The following RBFOX1 variants were observed in gnomAD, a reference collection of about 807,000 sequenced individuals.
RBFOX1 encodes the protein RNA binding fox-1 homolog 1.
A neutral mutation model predicts 57.7 loss-of-function variants in RBFOX1; 8 were observed. That is an observed-to-expected ratio of 0.14 (90% CI 0.08 to 0.25). RBFOX1 has a LOEUF of 0.25. Ranked by LOEUF, RBFOX1 falls within the 10% of genes least tolerant of loss-of-function variation. RBFOX1 has a pLI of 1.00. For synonymous variants in RBFOX1, 326 were observed against 222.4 expected (o/e 1.47, Z -4.15); for missense variants, 611 against 548.5 (o/e 1.11, Z -1.14).
At chr16:7,301,371 C>G (rs2096027668) in intron 4 of RBFOX1, among the ~76,000 whole-genome samples, 1 of 152,148 alleles carries the variant, frequency 6.6e-6, no homozygotes, top group Non-Finnish European at 1.5e-5. Context: ...AGCCCGACTC[C>G]AAATAATTTT....
intron 4 of RBFOX1, among the ~76,000 whole-genome samples, chr16:7,417,249 T>A (rs147160732): frequency 6.6e-6 from 1 of 151,876 alleles, no homozygotes; most frequent in Non-Finnish European, 1.5e-5. Flanking sequence ...GGTGTGTGCC[T>A]GTAACCACAG....
Position 7,073,832 on chromosome 16 carries a change from G to A in RBFOX1, c.27+21734G>A, listed in dbSNP as rs1269611903. 5.9e-5 allele frequency among the ~76,000 whole-genome samples: 9 copies of A among 152,040 alleles called. No homozygotes were observed. In the East Asian group the frequency reaches 1.7e-3, roughly 29 times the overall value. ...TGATTTCATGACTGCACTCCAGCCTGGGTGACAGAGCAAGGCATTGTCTCA... is the reference window on the plus strand; with the variant it reads ...TGATTTCATGACTGCACTCCAGCCTAGGTGACAGAGCAAGGCATTGTCTCA... On this transcript the variant is annotated intron_variant, in intron 4 of 15. Transcript: ENST00000550418.
intron 2 of RBFOX1, among the ~76,000 whole-genome samples, chr16:6,530,668 G>A (rs1479832360): frequency 6.6e-6 from 1 of 152,104 alleles, no homozygotes. Flanking sequence ...CATGGTGGAA[G>A]GAGGAGCAAG....
chr16:5,335,535 G>GC lies in RBFOX1; in HGVS notation c.219+95430_219+95431insC, dbSNP rs572840038. On this transcript the variant is annotated intron_variant, in intron 1 of 2. Coordinates refer to the RBFOX1 transcript ENST00000585867. ...TTAATGTCGGTTTTTTGTGTTCAGAGTTTTTCCCGTCACTGGGGGATTAGG... is the reference window on the plus strand; with the variant it reads ...TTAATGTCGGTTTTTTGTGTTCAGAGCTTTTTCCCGTCACTGGGGGATTAGG... 1.6e-3 allele frequency among the ~76,000 whole-genome samples: 251 copies of GC among 152,294 alleles called. 3 individuals carry two copies. The highest frequency in any genetic ancestry group is 3.1e-3 in the Non-Finnish European group (214 of 68,028).
intron 1 of RBFOX1, among the ~76,000 whole-genome samples, chr16:6,237,735 C>G (rs1325763471): frequency 6.6e-6 from 1 of 151,214 alleles, no homozygotes; most frequent in African/African-American, 2.4e-5. Context: ...AGTGAGACTC[C>G]ATCTCAAAAA....
chr16:6,538,413 G>GC (rs1433226623), intron 2 of RBFOX1, among the ~76,000 whole-genome samples: 3 of 152,174 alleles, frequency 2.0e-5, no homozygotes, highest in African/African-American at 7.2e-5. Flanking sequence ...GATCACTTGA[G>GC]CCTGTGAGGC....
intron 3 of RBFOX1, among the ~76,000 whole-genome samples, chr16:6,738,632 C>G (rs1020359189): frequency 4.6e-5 from 7 of 152,154 alleles, no homozygotes; most frequent in Admixed American, 6.6e-5. Flanking sequence ...CATCAACCAA[C>G]AAGATGTCAT....
chr16:5,859,554 G>A (rs1486227255), intron 3 of RBFOX1, among the ~76,000 whole-genome samples: 1 of 152,154 alleles, frequency 6.6e-6, no homozygotes, highest in Admixed American at 6.5e-5. Flanking sequence ...TGAAGGTTCT[G>A]AAAATCACTT....
intron 3 of RBFOX1, among the ~76,000 whole-genome samples, chr16:5,737,885 C>G (rs948372703): frequency 6.6e-6 from 1 of 151,898 alleles, no homozygotes; most frequent in Non-Finnish European, 1.5e-5. Flanking sequence ...ACTTTAAGTT[C>G]TGAGACACAT....
At chr16:6,046,219 A>AATG in intron 1 of RBFOX1, among the ~76,000 whole-genome samples, 1 of 152,300 alleles carries the variant, frequency 6.6e-6, no homozygotes, top group South Asian at 2.1e-4. Flanking sequence ...AACCCAACTG[A>AATG]ATGATGATGA....
At chr16:7,284,435 G>A (rs1038312768) in intron 4 of RBFOX1, among the ~76,000 whole-genome samples, 1 of 152,102 alleles carries the variant, frequency 6.6e-6, no homozygotes, top group African/African-American at 2.4e-5. Flanking sequence ...GGCACAAGCA[G>A]TCCTCCCACC....
At chr16:5,612,742 G>C (rs936144834) in intron 3 of RBFOX1, among the ~76,000 whole-genome samples, 1 of 152,230 alleles carries the variant, frequency 6.6e-6, no homozygotes, top group East Asian at 1.9e-4. Flanking sequence ...AGAGTAGCTG[G>C]AGTTCAGGGA....
chr16:6,822,075 A>C (rs1390928178), intron 3 of RBFOX1, among the ~76,000 whole-genome samples: 1 of 152,140 alleles, frequency 6.6e-6, no homozygotes, highest in Non-Finnish European at 1.5e-5. Context: ...ACTGCCAGTG[A>C]AATGGTTGCG....
intron 4 of RBFOX1, among the ~76,000 whole-genome samples, chr16:7,225,889 A>T (rs1019541767): frequency 2.1e-5 from 2 of 95,308 alleles, no homozygotes; most frequent in East Asian, 5.4e-4. Flanking sequence ...TGTACCCTAG[A>T]ACTTAAAGTA....
chr16:5,362,167 C>T (rs554406078), intron 1 of RBFOX1, among the ~76,000 whole-genome samples: 1 of 152,204 alleles, frequency 6.6e-6, no homozygotes, highest in South Asian at 2.1e-4. Flanking sequence ...CAGCAGATCT[C>T]TAGAACTTAC....
chr16:6,840,771 C>T lies in RBFOX1; in HGVS notation c.-16+186121C>T, dbSNP rs575528861. Among the ~76,000 whole-genome samples, 13 of 151,828 alleles carry T rather than the reference C, an allele frequency of 8.6e-5. No individual in the cohort carries two copies. The East Asian group carries it at 2.5e-3, about 30-fold the overall frequency. ...GTGTGGTGGTGTGCACCTGTAGTCCCAGCTACTCGGGAGGCTGAGGCAGGA... is the reference window on the plus strand; with the variant it reads ...GTGTGGTGGTGTGCACCTGTAGTCCTAGCTACTCGGGAGGCTGAGGCAGGA... On this transcript the variant is annotated intron_variant, in intron 3 of 15. Transcript: ENST00000550418.
intron 2 of RBFOX1, among the ~76,000 whole-genome samples, chr16:5,559,399 T>C (rs1023138548): frequency 3.9e-5 from 6 of 152,170 alleles, no homozygotes; most frequent in African/African-American, 1.4e-4. Flanking sequence ...AGATCTGAAA[T>C]ATGGCAGCTA....
rs544290265 is a variant in RBFOX1 at position 7,209,772 on chromosome 16, C to A, written c.27+157674C>A. Among the ~76,000 whole-genome samples the A allele has an allele frequency of 1.4e-3, 212 of 152,206 alleles. 1 individual carries two copies. Among genetic ancestry groups the A allele is most frequent in the Non-Finnish European group, 2.5e-3 (172 of 68,018 alleles). ...TGTCTGAGTCATCATTGCCCAGGGG[C>A]GTTCTGTTGTGTTCAGCCAAATGTT... On this transcript the variant is annotated intron_variant, in intron 4 of 15. Transcript: ENST00000550418.
chr16:5,834,089 G>T (rs1000203037), intron 3 of RBFOX1, among the ~76,000 whole-genome samples: 1 of 152,190 alleles, frequency 6.6e-6, no homozygotes, highest in South Asian at 2.1e-4. Flanking sequence ...TAGTTGCAGA[G>T]GTCGTCTGTG....
Sources: gnomAD v4.1 joint callset for allele counts (sites outside exome capture counted in the v4.1 genomes callset) on GRCh38, gnomAD v4.1.1 for gene constraint, MANE v1.5 for transcripts, NCBI Gene and HGNC (gene_info 2026-07-23, HGNC 2026-07-21) for gene names.